Variants in KYNU observed in about 807,000 individuals in gnomAD.
KYNU encodes kynureninase, also known as L-kynurenine hydrolase.
KYNU carries 54 observed loss-of-function variants against 59.2 expected under a neutral mutation model. That is an observed-to-expected ratio of 0.91 (90% CI 0.73 to 1.14). KYNU has a LOEUF of 1.14. Among genes scored for constraint, KYNU ranks in the 50% most tolerant of loss-of-function variants. The probability of loss-of-function intolerance (pLI) is 0.00; values close to 1 mark genes in which losing one functional copy is unlikely to be tolerated. For synonymous variants in KYNU, 177 were observed against 192.0 expected (o/e 0.92, Z 0.65); for missense variants, 567 against 554.4 (o/e 1.02, Z -0.23).
At chr2:142,951,278 G>A (rs1464136816) in intron 4 of KYNU, among the ~76,000 whole-genome samples, 4 of 152,228 alleles carry the variant, frequency 2.6e-5, no homozygotes, top group Non-Finnish European at 5.9e-5. Flanking sequence ...AAAAGGCCAG[G>A]TGTGGTGGCC....
chr2:142,987,109 A>G (rs1685228109), intron 10 of KYNU, among the ~76,000 whole-genome samples: 1 of 151,902 alleles, frequency 6.6e-6, no homozygotes, highest in Non-Finnish European at 1.5e-5. Context: ...CCCTCCATGT[A>G]TGTCCCAACA....
At chr2:142,890,147 G>A (rs1681666139) in intron 2 of KYNU, among the ~76,000 whole-genome samples, 1 of 150,342 alleles carries the variant, frequency 6.7e-6, no homozygotes, top group East Asian at 2.0e-4. Flanking sequence ...GAGAGAGAGA[G>A]AAGGAAAGAA....
At chr2:142,883,526 T>C (rs1264294387) in intron 1 of KYNU, among the ~76,000 whole-genome samples, 1 of 152,114 alleles carries the variant, frequency 6.6e-6, no homozygotes, top group Non-Finnish European at 1.5e-5. Context: ...ACCTTCTGCC[T>C]TTGTTTTTTG....
At chr2:142,958,485 G>A (rs941973750) in intron 7 of KYNU, among the ~76,000 whole-genome samples, 35 of 152,116 alleles carry the variant, frequency 2.3e-4, no homozygotes, top group East Asian at 1.9e-4. Flanking sequence ...CTCCCAGACC[G>A]CTAGTCATTG....
intron 3 of KYNU, among the ~76,000 whole-genome samples, chr2:142,926,268 T>G (rs1683041960): frequency 6.6e-6 from 1 of 151,998 alleles, no homozygotes; most frequent in African/African-American, 2.4e-5. Context: ...TCCCAGAACT[T>G]AAAGTATAAT....
intron 8 of KYNU, among the ~76,000 whole-genome samples, chr2:142,979,444 A>T (rs1573864993): frequency 1.3e-5 from 2 of 152,170 alleles, no homozygotes; most frequent in Admixed American, 6.5e-5. Flanking sequence ...TACAAGAGAG[A>T]TATACAAACA....
rs895257511 is a variant in KYNU, at chr2:143,051,637, G to C, written c.*9465G>C. 6.6e-6 allele frequency: 1 copy of C among 152,118 alleles called. No homozygotes were observed. Among genetic ancestry groups the C allele is most frequent in the African/African-American group, 2.4e-5 (1 of 41,412 alleles). The allele number at this position is 152,118 out of a possible 1,614,324, so 9.4% of individuals were successfully genotyped here. ...ATAATGAATAAGTTTCATGAGATCT[G>C]TTGGTTTCATAATGTGGAGTTTCCC... On this transcript the variant is annotated 3_prime_UTR_variant, in exon 14 of 14. Coordinates refer to ENST00000264170, the MANE Select transcript of KYNU (RefSeq NM_003937.3).
At chr2:142,999,258 CTATT>C (rs1685640811) in intron 10 of KYNU, among the ~76,000 whole-genome samples, 1 of 152,032 alleles carries the variant, frequency 6.6e-6, no homozygotes, top group African/African-American at 2.4e-5. Context: ...GAATCTTAGA[CTATT>C]TATCAAGAAT....
chr2:142,942,491 A>G (rs1192992491), intron 4 of KYNU, among the ~76,000 whole-genome samples: 1 of 152,232 alleles, frequency 6.6e-6, no homozygotes, highest in Admixed American at 6.5e-5. Context: ...ATAATTTTGT[A>G]GTAACTGCAG....
chr2:143,034,133 T>C (rs1406807251), intron 12 of KYNU, among the ~76,000 whole-genome samples: 1 of 151,270 alleles, frequency 6.6e-6, no homozygotes, highest in Admixed American at 6.6e-5. Context: ...ATAAAATTCA[T>C]ATATAATGTA....
intron 3 of KYNU, among the ~76,000 whole-genome samples, chr2:142,924,559 G>A (rs1347389165): frequency 6.6e-6 from 1 of 152,128 alleles, no homozygotes; most frequent in Non-Finnish European, 1.5e-5. Flanking sequence ...GTTACAGCAT[G>A]GTCCTACTTT....
In KYNU at chr2:143,045,444, T is replaced by G. The variant is rs1343531459; in HGVS notation, c.*3272T>G. 6.6e-6 allele frequency: 1 copy of G among 152,200 alleles called. No homozygotes were observed. Among genetic ancestry groups the G allele is most frequent in the Non-Finnish European group, 1.5e-5 (1 of 68,036 alleles). 9.4% of individuals were successfully genotyped at this position (152,200 alleles called of 1,614,324 possible). On this transcript the variant is annotated 3_prime_UTR_variant, in exon 14 of 14. Coordinates refer to ENST00000264170, the MANE Select transcript of KYNU (RefSeq NM_003937.3). ...CAGCAATATGGCCATTTTCAGGATATTGATTCTTCCTATCTATGAGCATGG... is the reference window on the plus strand; with the variant it reads ...CAGCAATATGGCCATTTTCAGGATAGTGATTCTTCCTATCTATGAGCATGG...
At chr2:142,911,412 T>C (rs1682476135) in intron 2 of KYNU, among the ~76,000 whole-genome samples, 1 of 152,206 alleles carries the variant, frequency 6.6e-6, no homozygotes, top group African/African-American at 2.4e-5. Flanking sequence ...GTTGATTTTA[T>C]ATTCTGAAAC....
At chr2:143,017,659 AACT>A (rs1274484367) in intron 10 of KYNU, among the ~76,000 whole-genome samples, 1 of 151,652 alleles carries the variant, frequency 6.6e-6, no homozygotes, top group Non-Finnish European at 1.5e-5. Flanking sequence ...GCTGGTTTCA[AACT>A]CCTGACCTCA....
chr2:142,889,586 A>G (rs935653257), intron 2 of KYNU, among the ~76,000 whole-genome samples: 14 of 152,146 alleles, frequency 9.2e-5, no homozygotes, highest in Non-Finnish European at 1.5e-5. Flanking sequence ...AGTTCCAAGT[A>G]CTCAGCATTC....
intron 4 of KYNU, among the ~76,000 whole-genome samples, chr2:142,929,310 A>G (rs1299354173): frequency 6.6e-6 from 1 of 150,642 alleles, no homozygotes; most frequent in African/African-American, 2.4e-5. Flanking sequence ...AGATGATAAT[A>G]ATATCTGGGG....
At chr2:142,972,473 A>G (rs2105127590) in intron 8 of KYNU, among the ~76,000 whole-genome samples, 1 of 152,282 alleles carries the variant, frequency 6.6e-6, no homozygotes, top group African/African-American at 2.4e-5. Flanking sequence ...CAGTGAATCT[A>G]GTCTCTGAAA....
intron 10 of KYNU, among the ~76,000 whole-genome samples, chr2:143,021,855 A>G (rs771319142): frequency 2.6e-5 from 4 of 152,184 alleles, no homozygotes; most frequent in Admixed American, 6.5e-5. Flanking sequence ...TTTGTGCATC[A>G]ATTTAAGGAT....
chr2:142,888,108 A>AT (rs1229302545), intron 2 of KYNU, among the ~76,000 whole-genome samples: 1 of 152,184 alleles, frequency 6.6e-6, no homozygotes, highest in East Asian at 1.9e-4. Flanking sequence ...GCTGATTCTT[A>AT]AAGATAAGAG....
Sources: allele counts gnomAD v4.1 joint callset (sites outside exome capture counted in the v4.1 genomes callset), GRCh38; gene constraint gnomAD v4.1.1; transcripts MANE v1.5; gene names NCBI Gene and HGNC (gene_info 2026-07-23, HGNC 2026-07-21).